Variants in FAAH2 observed in about 807,000 individuals in gnomAD.
The protein encoded by FAAH2 is fatty-acid amide hydrolase 2.
A neutral mutation model predicts 36.9 loss-of-function variants in FAAH2; 60 were observed. That is an observed-to-expected ratio of 1.63 (90% CI 1.32 to 2.02). The LOEUF is 2.02. Ranked by LOEUF, FAAH2 falls within the 30% of genes most tolerant of loss-of-function variation. The probability of loss-of-function intolerance (pLI) is 0.00; values close to 1 mark genes in which losing one functional copy is unlikely to be tolerated. For synonymous variants in FAAH2, 214 were observed against 143.8 expected, an observed-to-expected ratio of 1.49 and a Z score of -3.49; for missense variants, 689 against 397.5, an observed-to-expected ratio of 1.73 and a Z score of -6.23.
chrX:57,215,555 G>A, the FAAH2 span, among the ~76,000 whole-genome samples: 2 of 111,383 alleles, frequency 1.8e-5, no homozygotes, highest in African/African-American at 6.5e-5. Context: ...TCAAAGACAT[G>A]GAACCAACCC....
the FAAH2 span, among the ~76,000 whole-genome samples, chrX:57,196,453 T>A: frequency 3.6e-5 from 4 of 111,643 alleles, no homozygotes; most frequent in Non-Finnish European, 7.5e-5. Flanking sequence ...AGTTTTAGGA[T>A]CTTTCTGGAT....
chrX:57,136,896 G>T, the FAAH2 span: 2 of 682,206 alleles, frequency 2.9e-6, no homozygotes, highest in Non-Finnish European at 4.2e-6. Context: ...ACCCTTTACT[G>T]CCACTAGCAT....
At chrX:57,163,583 G>T in the FAAH2 span, among the ~76,000 whole-genome samples, 2 of 112,087 alleles carry the variant, frequency 1.8e-5, no homozygotes, top group South Asian at 3.8e-4. Context: ...TTTTAAGCCC[G>T]TCAGAAAAGC....
At chrX:57,434,454 G>A (rs556367879) in intron 8 of FAAH2, among the ~76,000 whole-genome samples, 1 of 109,443 alleles carries the variant, frequency 9.1e-6, no homozygotes, top group East Asian at 2.9e-4. Context: ...TACTAAGAAG[G>A]TAGATTTTCT....
At chrX:57,353,840 A>G (rs1018138751) in intron 5 of FAAH2, among the ~76,000 whole-genome samples, 2 of 111,415 alleles carry the variant, frequency 1.8e-5, no homozygotes, top group African/African-American at 6.5e-5. Context: ...CAATATGTAT[A>G]TGAAAAACGC....
intron 2 of FAAH2, among the ~76,000 whole-genome samples, chrX:57,303,677 C>T (rs968328890): frequency 8.0e-5 from 9 of 111,882 alleles, no homozygotes; most frequent in Non-Finnish European, 1.7e-4. Flanking sequence ...TGGGATTTGA[C>T]CACTCTGCTA....
At chrX:57,223,234 G>T in the FAAH2 span, among the ~76,000 whole-genome samples, 1 of 111,512 alleles carries the variant, frequency 9.0e-6, no homozygotes, top group African/African-American at 3.3e-5. Flanking sequence ...TCCTATATCA[G>T]CTGGAAATAG....
chrX:57,352,123 C>CAT (rs754979641), intron 5 of FAAH2, among the ~76,000 whole-genome samples: 967 of 33,439 alleles, frequency 0.029, 146 homozygotes, highest in African/African-American at 0.2. Context: ...TATATATGCA[C>CAT]ATATATATAT....
chrX:57,194,164 A>T, the FAAH2 span, among the ~76,000 whole-genome samples: 2 of 111,482 alleles, frequency 1.8e-5, no homozygotes, highest in Admixed American at 1.9e-4. Flanking sequence ...TGGGCTTATC[A>T]TTACTAGGGG....
rs12006910 is a variant in FAAH2 at position 57,343,285 on chromosome X, T to C, written c.742+1895T>C. On this transcript the variant is annotated intron_variant, in intron 5 of 10. Transcript: ENST00000374900. ...TCTGCAGCCTCATCAGTGTCAGTTA[T>C]TTTTGGATTTTTTCAATGATTGCCA... Among the ~76,000 whole-genome samples, 558 of 111,881 alleles carry C rather than the reference T, an allele frequency of 5.0e-3. 4 individuals are homozygous for C. Among genetic ancestry groups the C allele is most frequent in the African/African-American group, 0.017 (521 of 30,853 alleles).
At chrX:57,306,098 C>A (rs1019338040) in intron 2 of FAAH2, among the ~76,000 whole-genome samples, 7 of 111,996 alleles carry the variant, frequency 6.3e-5, no homozygotes, top group African/African-American at 2.3e-4. Context: ...TCTGAATTGG[C>A]AACTGAAAGC....
intron 1 of FAAH2, among the ~76,000 whole-genome samples, chrX:57,288,298 A>G (rs1393372020): frequency 1.0e-5 from 1 of 99,569 alleles, no homozygotes; most frequent in Non-Finnish European, 2.0e-5. Context: ...CAGAAATCCT[A>G]GCTTTTCTAC....
chrX:57,315,923 G>C (rs768977775), intron 3 of FAAH2, among the ~76,000 whole-genome samples: 151 of 111,467 alleles, frequency 1.4e-3, no homozygotes, highest in Non-Finnish European at 2.3e-3. Context: ...AGTCAGGCAA[G>C]AGAAAGAAAA....
At chrX:57,382,470 G>C (rs1198392559) in intron 7 of FAAH2, among the ~76,000 whole-genome samples, 1 of 111,250 alleles carries the variant, frequency 9.0e-6, no homozygotes, top group Non-Finnish European at 1.9e-5. Context: ...TCAAATAGAC[G>C]CAATAAAAAA....
upstream of FAAH2, among the ~76,000 whole-genome samples, chrX:57,283,372 G>A (rs773624237): frequency 7.2e-5 from 8 of 111,581 alleles, no homozygotes; most frequent in South Asian, 3.0e-3. Flanking sequence ...TGGGGACCCC[G>A]CTTGGGGAAG....
intron 1 of FAAH2, among the ~76,000 whole-genome samples, chrX:57,287,517 G>A (rs1190974281): frequency 8.9e-6 from 1 of 112,143 alleles, no homozygotes; most frequent in Non-Finnish European, 1.9e-5. Flanking sequence ...CATAGTATAT[G>A]TGAAATACTC....
At chrX:57,370,433 G>T (rs946405341) in intron 5 of FAAH2, among the ~76,000 whole-genome samples, 3 of 111,271 alleles carry the variant, frequency 2.7e-5, no homozygotes, top group Non-Finnish European at 3.8e-5. Context: ...TATAACAATT[G>T]TTAATATATA....
At chrX:57,194,373 C>A in the FAAH2 span, among the ~76,000 whole-genome samples, 2 of 110,958 alleles carry the variant, frequency 1.8e-5, no homozygotes, top group African/African-American at 6.5e-5. Flanking sequence ...CCTACTTTTT[C>A]ACCTCTGATT....
the FAAH2 span, among the ~76,000 whole-genome samples, chrX:57,265,714 AG>A: frequency 8.9e-6 from 1 of 111,764 alleles, no homozygotes; most frequent in Non-Finnish European, 1.9e-5. Context: ...GAGCTCCCAG[AG>A]GGAGGAGTGG....
Sources: gnomAD v4.1 joint callset for allele counts (sites outside exome capture counted in the v4.1 genomes callset) on GRCh38, gnomAD v4.1.1 for gene constraint, MANE v1.5 for transcripts, NCBI Gene and HGNC (gene_info 2026-07-23, HGNC 2026-07-21) for gene names.